The following NCOR2 variants were observed in gnomAD, a reference collection of about 807,000 sequenced individuals.
The protein encoded by NCOR2 is CTG repeat protein 26.
NCOR2 carries 81 observed loss-of-function variants against 262.9 expected under a neutral mutation model. The ratio of observed to expected loss-of-function variants is 0.31; its 90% CI spans 0.26 to 0.37. The LOEUF is 0.37. Ranked by LOEUF, NCOR2 falls within the 10% of genes least tolerant of loss-of-function variation. The pLI is 1.00. For synonymous variants in NCOR2, 1,659 were observed against 1,559.3 expected (o/e 1.06, Z -1.51); for missense variants, 3,385 against 3,621.4 (o/e 0.93, Z 1.68).
chr12:124,466,370 CT>C, intron 4 of NCOR2, 84 bp from the exon 7 acceptor site: 1 of 1,293,408 alleles, frequency 7.7e-7, no homozygotes, highest in Non-Finnish European at 1.1e-6. Flanking sequence ...GGGAGGCCCC[CT>C]TGCAGCCCGG....
At position 124,440,464 on chromosome 12, in the gene NCOR2, A is replaced by G. The variant is rs1357079363; in HGVS notation, c.816-2468T>C. Among the ~76,000 whole-genome samples the G allele has an allele frequency of 6.6e-6, 1 of 152,330 alleles. No individual in the cohort carries two copies. Among genetic ancestry groups the G allele is most frequent in the East Asian group, 1.9e-4 (1 of 5,172 alleles). ...GGGCCATGGGGGTCCTCAGTCCCAC[A>G]GGCTAGGACCAGCACCCTTCATCTC... On this transcript the variant is annotated intron_variant, in intron 7 of 46. Coordinates refer to ENST00000405201, the Ensembl canonical transcript of NCOR2. This position sits in a 1 kb window ranked among gnomAD's most constrained non-coding sequence, Gnocchi z 5.7.
At position 124,544,348 on chromosome 12, in the gene NCOR2, T is replaced by A. The variant is rs527876559; in HGVS notation, c.-164-8737A>T. Among the ~76,000 whole-genome samples, 3 of 152,312 alleles carry A rather than the reference T, an allele frequency of 2.0e-5. No individual in the cohort carries two copies. In the East Asian group the frequency reaches 5.8e-4, roughly 29 times the overall value. On this transcript the variant is annotated intron_variant, in intron 1 of 32. Coordinates refer to the NCOR2 transcript ENST00000458234. ...GCTGCCTGGCCTGGGGACCCCTGAA[T>A]CTGCAGCTGAACAGAAAAACCACTG...
intron 22 of NCOR2, among the ~76,000 whole-genome samples, chr12:124,359,974 C>A (rs570937927): frequency 6.6e-6 from 1 of 152,226 alleles, no homozygotes; most frequent in Non-Finnish European, 1.5e-5. Flanking sequence ...ACCGTCCCCA[C>A]GGGGAATGAG....
intron 32 of NCOR2, 129 bp downstream of exon 34, chr12:124,344,468 T>TG: frequency 1.2e-6 from 1 of 841,044 alleles, no homozygotes; most frequent in Non-Finnish European, 1.7e-6. Flanking sequence ...GGCCTGCAGG[T>TG]GGTTTGGATG....
At chr12:124,354,162 G>A (rs2037748404) in exon 27 of NCOR2, 3 of 1,608,408 alleles carry the variant, frequency 1.9e-6, no homozygotes, top group African/African-American at 1.3e-5. Context: ...TGCCTTTGGT[G>A]ATGCTTCCGC....
In NCOR2 at chr12:124,353,829, G is replaced by A. The variant is rs1438437559; in HGVS notation, c.3693+264C>T. 3.3e-5 allele frequency among the ~76,000 whole-genome samples: 5 copies of A among 152,184 alleles called. No individual in the cohort carries two copies. In the South Asian group the frequency reaches 6.2e-4, roughly 19 times the overall value. On this transcript the variant is annotated intron_variant, in intron 27 of 46. Coordinates refer to ENST00000405201, the Ensembl canonical transcript of NCOR2. Reference sequence around the variant, plus strand: ...ACGCTCACATTCTGCCTGCCTGCTCGGTTTTCACCAGCCTACTTATTTACC... The same window carrying A: ...ACGCTCACATTCTGCCTGCCTGCTCAGTTTTCACCAGCCTACTTATTTACC...
chr12:124,530,952 G>A (rs1362131033), intron 1 of NCOR2, among the ~76,000 whole-genome samples: 1 of 152,204 alleles, frequency 6.6e-6, no homozygotes, highest in Non-Finnish European at 1.5e-5. Flanking sequence ...CACCAGACAA[G>A]GCTCTGGGCT....
At chr12:124,357,175 G>GTC (rs1170003639) in intron 22 of NCOR2, among the ~76,000 whole-genome samples, 1 of 152,190 alleles carries the variant, frequency 6.6e-6, no homozygotes, top group Non-Finnish European at 1.5e-5. Context: ...TTGAGACAGG[G>GTC]TCTCCTTCTG....
chr12:124,326,587 C>A (rs1235156996), intron 45 of NCOR2, among the ~76,000 whole-genome samples: 4 of 152,184 alleles, frequency 2.6e-5, no homozygotes, highest in African/African-American at 9.6e-5. Context: ...GAGATAGTTT[C>A]TGCTGGGCAG....
intron 17 of NCOR2, chr12:124,383,612 G>A (rs2040573383): frequency 1.3e-5 from 3 of 222,838 alleles, no homozygotes; most frequent in Non-Finnish European, 2.5e-5. Context: ...AATAACCACA[G>A]CAGTAAGAGT....
intron 11 of NCOR2, among the ~76,000 whole-genome samples, chr12:124,423,774 A>G (rs1194154637): frequency 1.3e-5 from 2 of 152,008 alleles, no homozygotes; most frequent in Non-Finnish European, 2.9e-5. Flanking sequence ...CTCCCTCAAT[A>G]CCTCACTTGC....
intron 11 of NCOR2, among the ~76,000 whole-genome samples, chr12:124,423,717 A>G (rs945976086): frequency 2.6e-5 from 4 of 152,184 alleles, no homozygotes; most frequent in African/African-American, 9.7e-5. Context: ...GGGGGCTCCC[A>G]AGAGACCAGG....
intron 1 of NCOR2, among the ~76,000 whole-genome samples, chr12:124,500,727 G>A (rs963203169): frequency 3.3e-5 from 5 of 151,878 alleles, no homozygotes; most frequent in East Asian, 1.9e-4. Flanking sequence ...CTCCAGCTCC[G>A]GCAGGATGAG....
At chr12:124,450,991 G>A (rs1201183259) in intron 6 of NCOR2, among the ~76,000 whole-genome samples, 1 of 152,248 alleles carries the variant, frequency 6.6e-6, no homozygotes, top group Non-Finnish European at 1.5e-5. Context: ...CGCCATCAGG[G>A]AGCAGTGGCT....
intron 13 of NCOR2, among the ~76,000 whole-genome samples, chr12:124,403,990 C>G (rs2042127708): frequency 6.6e-6 from 1 of 152,222 alleles, no homozygotes; most frequent in Non-Finnish European, 1.5e-5. Flanking sequence ...CCCCCGGCCC[C>G]CAGGTTGCTG....
rs931616381 is a variant in NCOR2, at chr12:124,347,752, G to C, written c.4072+73C>G. 6.2e-6 allele frequency: 9 copies of C among 1,459,954 alleles called. No homozygotes were observed. In the South Asian group the frequency reaches 6.2e-5, roughly 10 times the overall value. The allele number at this position is 1,459,954 out of a possible 1,614,324, so 90.4% of individuals were successfully genotyped here. On this transcript the variant is annotated intron_variant, in intron 30 of 46. Transcript: ENST00000405201. ...TGAGTTCCCACCACACTCTGGCTGT[G>C]TCTCTCCCTCCCGCGCCCTGCGTGA...
intron 37 of NCOR2, 102 bp from the exon 40 acceptor site, chr12:124,337,282 G>A: frequency 2.2e-6 from 3 of 1,353,694 alleles, no homozygotes; most frequent in Non-Finnish European, 2.1e-6. Flanking sequence ...CACATCCCCT[G>A]CTGCTCCCAG....
At chr12:124,453,766 G>A (rs1177462857) in intron 6 of NCOR2, among the ~76,000 whole-genome samples, 1 of 152,228 alleles carries the variant, frequency 6.6e-6, no homozygotes, top group Non-Finnish European at 1.5e-5. Context: ...TGCTGGGCAC[G>A]CCCTCCACCA....
chr12:124,489,837 C>A (rs921151528), intron 1 of NCOR2, among the ~76,000 whole-genome samples: 5 of 151,914 alleles, frequency 3.3e-5, no homozygotes, highest in African/African-American at 4.8e-5. Context: ...GGGCTAGATG[C>A]GGGGGGATGT....
Sources: allele counts gnomAD v4.1 joint callset (sites outside exome capture counted in the v4.1 genomes callset), GRCh38; gene constraint gnomAD v4.1.1; non-coding constraint Gnocchi (gnomAD v3.1); transcripts MANE v1.5; gene names NCBI Gene and HGNC (gene_info 2026-07-23, HGNC 2026-07-21).